Variants in FOXP2 observed in about 807,000 individuals in gnomAD.
FOXP2 encodes forkhead box P2, also known as forkhead box protein P2.
A neutral mutation model predicts 115.8 loss-of-function variants in FOXP2; 12 were observed. The ratio of observed to expected loss-of-function variants is 0.10; its 90% CI spans 0.07 to 0.17. FOXP2 has a LOEUF of 0.17. Among genes scored for constraint, FOXP2 ranks in the 10% least tolerant of loss-of-function variants. The pLI is 1.00. For synonymous variants in FOXP2, 328 were observed against 297.7 expected, an observed-to-expected ratio of 1.10 and a Z score of -1.05; for missense variants, 629 against 843.5, an observed-to-expected ratio of 0.75 and a Z score of 3.15.
chr7:114,385,725 A>T lies in FOXP2; in HGVS notation c.-10-40777A>T, dbSNP rs1024929731. Among the ~76,000 whole-genome samples the T allele has an allele frequency of 3.8e-4, 58 of 152,322 alleles. 2 individuals carry two copies. The highest frequency in any genetic ancestry group is 1.7e-3 in the South Asian group (8 of 4,828). On this transcript the variant is annotated intron_variant, in intron 2 of 17. Transcript: ENST00000634411. Reference sequence around the variant, plus strand: ...AAGAATAGAACAGAATAGCAAGCTAAAGTGGTCCAATATTACTCACAGCTT... The same window carrying T: ...AAGAATAGAACAGAATAGCAAGCTATAGTGGTCCAATATTACTCACAGCTT...
At chr7:114,141,559 T>A (rs1230966541) in intron 1 of FOXP2, among the ~76,000 whole-genome samples, 1 of 152,354 alleles carries the variant, frequency 6.6e-6, no homozygotes, top group South Asian at 2.1e-4. Context: ...AGTTAACAGA[T>A]GTGCCAGGAT....
chr7:114,431,423 G>A (rs1028719838), intron 2 of FOXP2, among the ~76,000 whole-genome samples: 1 of 151,918 alleles, frequency 6.6e-6, no homozygotes, highest in Admixed American at 6.6e-5. Flanking sequence ...GCAAATGACA[G>A]GCATTTTTCT....
chr7:114,559,750 G>A lies in FOXP2; in HGVS notation c.258+25044G>A, dbSNP rs542865757. 9.2e-5 allele frequency among the ~76,000 whole-genome samples: 14 copies of A among 152,126 alleles called. No individual in the cohort carries two copies. The South Asian group carries it at 1.7e-3, about 18-fold the overall frequency. ...AACACCACAAAAAAATTAGCCAGGCGTGGTGGCCGGCGCCTGTAGTCCCAG... is the reference window on the plus strand; with the variant it reads ...AACACCACAAAAAAATTAGCCAGGCATGGTGGCCGGCGCCTGTAGTCCCAG... On this transcript the variant is annotated intron_variant, in intron 3 of 16. Coordinates refer to ENST00000350908, the MANE Select transcript of FOXP2 (RefSeq NM_014491.4).
chr7:114,639,962 A>G (rs1013288279), intron 6 of FOXP2, among the ~76,000 whole-genome samples: 1 of 152,210 alleles, frequency 6.6e-6, no homozygotes, highest in Non-Finnish European at 1.5e-5. Context: ...TAGAGAGAAT[A>G]CTTGGATACT....
chr7:114,538,370 G>A, intron 3 of FOXP2: 1 of 1,302,850 alleles, frequency 7.7e-7, no homozygotes, highest in Non-Finnish European at 1.0e-6. Context: ...GCAGAGCAGA[G>A]ACGTAAATTT....
intron 2 of FOXP2, among the ~76,000 whole-genome samples, chr7:114,302,043 T>C (rs900327153): frequency 6.6e-6 from 1 of 152,200 alleles, no homozygotes; most frequent in African/African-American, 2.4e-5. Context: ...TCCCTGAGGC[T>C]GTTGATTAGT....
intron 2 of FOXP2, among the ~76,000 whole-genome samples, chr7:114,490,865 A>G (rs377403180): frequency 9.2e-5 from 14 of 152,166 alleles, no homozygotes; most frequent in East Asian, 1.9e-4. Context: ...ATAGTATTCC[A>G]TGGTGTATAT....
intron 2 of FOXP2, among the ~76,000 whole-genome samples, chr7:114,379,110 G>A (rs1204236760): frequency 1.3e-5 from 2 of 152,014 alleles, no homozygotes; most frequent in African/African-American, 4.8e-5. Context: ...ATTTAATAGA[G>A]TGAAATAGAG....
At chr7:114,193,255 G>T (rs1793811661) in intron 1 of FOXP2, among the ~76,000 whole-genome samples, 1 of 151,982 alleles carries the variant, frequency 6.6e-6, no homozygotes, top group South Asian at 2.1e-4. Flanking sequence ...TCCATGTGAG[G>T]AATGACTACA....
chr7:114,525,394 T>C (rs1419716417), intron 2 of FOXP2, among the ~76,000 whole-genome samples: 1 of 152,186 alleles, frequency 6.6e-6, no homozygotes, highest in Non-Finnish European at 1.5e-5. Flanking sequence ...ATTAGAGCAG[T>C]AGAAAAGTAA....
At chr7:114,167,671 T>C (rs1267857059) in intron 1 of FOXP2, among the ~76,000 whole-genome samples, 1 of 152,068 alleles carries the variant, frequency 6.6e-6, no homozygotes, top group East Asian at 1.9e-4. Flanking sequence ...GCATGGTGGC[T>C]CAGGCCTGTA....
intron 2 of FOXP2, among the ~76,000 whole-genome samples, chr7:114,523,485 C>T (rs978080048): frequency 1.2e-4 from 18 of 152,058 alleles, no homozygotes; most frequent in Admixed American, 2.0e-4. Context: ...TGTAGATCTG[C>T]GGTAGCATTT....
At chr7:114,284,878 G>A (rs1359015318) in intron 1 of FOXP2, among the ~76,000 whole-genome samples, 2 of 152,144 alleles carry the variant, frequency 1.3e-5, no homozygotes, top group Non-Finnish European at 2.9e-5. Context: ...TACTTTGCAG[G>A]AACAGGGATG....
At chr7:114,128,912 G>A (rs1791798450) in intron 1 of FOXP2, among the ~76,000 whole-genome samples, 1 of 152,036 alleles carries the variant, frequency 6.6e-6, no homozygotes, top group Admixed American at 6.6e-5. Flanking sequence ...CTTCTTCATA[G>A]CAACTTTAGC....
At chr7:114,099,981 A>C (rs1448148897) in intron 1 of FOXP2, among the ~76,000 whole-genome samples, 1 of 152,208 alleles carries the variant, frequency 6.6e-6, no homozygotes, top group Non-Finnish European at 1.5e-5. Flanking sequence ...CACTATAGTA[A>C]TCTTTCTACT....
chr7:114,338,948 T>A (rs1433557029), intron 2 of FOXP2, among the ~76,000 whole-genome samples: 1 of 151,000 alleles, frequency 6.6e-6, no homozygotes, highest in South Asian at 2.1e-4. Flanking sequence ...CCAAAACAGA[T>A]CTATGAAATT....
intron 1 of FOXP2, among the ~76,000 whole-genome samples, chr7:114,147,151 T>C (rs1792392590): frequency 6.6e-6 from 1 of 152,198 alleles, no homozygotes; most frequent in Non-Finnish European, 1.5e-5. Context: ...TAATTTATTC[T>C]TGGTTAAGTT....
intron 3 of FOXP2, among the ~76,000 whole-genome samples, chr7:114,608,972 G>T (rs1428658298): frequency 6.6e-6 from 1 of 152,046 alleles, no homozygotes; most frequent in African/African-American, 2.4e-5. Flanking sequence ...GCCGAGGCGG[G>T]CGGATCACCT....
intron 1 of FOXP2, among the ~76,000 whole-genome samples, chr7:114,144,714 CAGAGTTCTGAACATGTTT>C (rs1260184175): frequency 6.6e-6 from 1 of 151,928 alleles, no homozygotes; most frequent in East Asian, 1.9e-4. Context: ...CAGAAGTGTT[CAGAGTTCTGAACATGTTT>C]ATACTTATAT....
Sources: allele counts gnomAD v4.1 joint callset (sites outside exome capture counted in the v4.1 genomes callset), GRCh38; gene constraint gnomAD v4.1.1; transcripts MANE v1.5; gene names NCBI Gene and HGNC (gene_info 2026-07-23, HGNC 2026-07-21).